CLIP1: variants seen among roughly 807,000 people sequenced by gnomAD.
CLIP1 encodes the protein CAP-Gly domain-containing linker protein 1.
Under a neutral mutation model 161.6 loss-of-function variants are expected in CLIP1, and 66 were observed. The observed-to-expected ratio is 0.41, with a 90% CI of 0.33 to 0.50. The LOEUF is 0.50. Among genes scored for constraint, CLIP1 ranks in the 20% least tolerant of loss-of-function variants. CLIP1 has a pLI of 0.27. For missense variants in CLIP1, 1,376 were observed against 1,702.0 expected, an observed-to-expected ratio of 0.81 and a Z score of 3.37; for synonymous variants, 598 against 626.2, an observed-to-expected ratio of 0.96 and a Z score of 0.67.
intron 5 of CLIP1, 97 bp downstream of exon 5, chr12:122,360,862 G>A (rs1593161118): frequency 3.0e-6 from 3 of 1,012,042 alleles, no homozygotes. Flanking sequence ...TTCAGCACAA[G>A]GACAAGCAAA....
In CLIP1 at chr12:122,355,667, G is replaced by T; in HGVS notation, c.1006-355C>A. On this transcript the variant is annotated intron_variant, in intron 5 of 25. Transcript: ENST00000620786. The surrounding 1 kb of genome is among the most constrained non-coding windows in gnomAD (Gnocchi z 4.1). ...TAAAAATACAAAAATTAGCTGGAGT[G>T]CAGTGGTGCGATCTCAGCTGACTGC... The T allele has an allele frequency of 4.5e-6, 1 of 220,640 alleles. No individual in the cohort carries two copies. Among genetic ancestry groups the T allele is most frequent in the Non-Finnish European group, 9.0e-6 (1 of 110,856 alleles). The allele number at this position is 220,640 out of a possible 1,614,324, so 13.7% of individuals were successfully genotyped here.
chr12:122,333,923 G>A (rs1952099580), intron 14 of CLIP1, 104 bp downstream of exon 14: 2 of 696,314 alleles, frequency 2.9e-6, no homozygotes, highest in African/African-American at 3.6e-5. Flanking sequence ...TGAGTGAAGA[G>A]GCTATGCCTG....
chr12:122,336,528 C>G lies in CLIP1; in HGVS notation c.2568+104G>C, dbSNP rs1952230814. ...CTAATACACTCAAGTTGAATCAACA[C>G]TTAGAAAGAGAAAGGAAACAGCTAC... On this transcript the variant is annotated intron_variant, in intron 12 of 25. Transcript: ENST00000620786. 4.5e-6 allele frequency: 3 copies of G among 673,390 alleles called. No individual in the cohort carries two copies. In the South Asian group the frequency reaches 5.5e-5, roughly 12 times the overall value. 41.7% of individuals were successfully genotyped at this position (673,390 alleles called of 1,614,324 possible). A position where few individuals can be genotyped will look rare whatever the true frequency, so the allele number is the denominator to read the frequency against.
chr12:122,381,724 T>C (rs1270146203), intron 1 of CLIP1, among the ~76,000 whole-genome samples: 3 of 152,200 alleles, frequency 2.0e-5, no homozygotes, highest in African/African-American at 7.2e-5. Context: ...CGCCAGCCAC[T>C]GGCAAAGAAT....
intron 15 of CLIP1, among the ~76,000 whole-genome samples, chr12:122,330,678 C>A (rs1410697022): frequency 2.0e-5 from 3 of 147,962 alleles, no homozygotes; most frequent in Non-Finnish European, 4.4e-5. Context: ...GAGCTCACGG[C>A]ACCCTCTGCC....
At chr12:122,359,704 G>A (rs1953682465) in intron 5 of CLIP1, among the ~76,000 whole-genome samples, 1 of 152,180 alleles carries the variant, frequency 6.6e-6, no homozygotes, top group African/African-American at 2.4e-5. Flanking sequence ...GCTGGCAGAG[G>A]AGCACAGCCC....
At chr12:122,371,986 T>C (rs546909266) in intron 3 of CLIP1, among the ~76,000 whole-genome samples, 1 of 150,988 alleles carries the variant, frequency 6.6e-6, no homozygotes, top group South Asian at 2.1e-4. Flanking sequence ...AACTGAAAAA[T>C]GAAAAAAAAA....
chr12:122,343,571 C>G (rs906053163), intron 10 of CLIP1: 3 of 152,204 alleles, frequency 2.0e-5, no homozygotes, highest in Admixed American at 6.5e-5. Flanking sequence ...CCCCTAACCC[C>G]CTAACCCAGT....
Position 122,364,072 on chromosome 12 carries a change from A to G in CLIP1, c.693T>C (p.Leu231=). 6.2e-7 allele frequency: 1 copy of G among 1,614,150 alleles called. No individual in the cohort carries two copies. The highest frequency in any genetic ancestry group is 8.5e-7 in the Non-Finnish European group (1 of 1,180,022). ...CCCCCTTGGCAAAGTCGGTCTCCCC[A>G]AGAAACCGGACTACACCAGCCTTAG... ...GGTKAGVVRF[L]GETDFAKGEW... The change falls in exon 4 of 26, where the codon CTT becomes CTC. Residue 231 remains leucine, a synonymous_variant. Coordinates refer to ENST00000620786, the MANE Select transcript of CLIP1 (RefSeq NM_001247997.2).
intron 10 of CLIP1, among the ~76,000 whole-genome samples, chr12:122,347,154 T>C (rs1386439083): frequency 6.6e-6 from 1 of 152,194 alleles, no homozygotes; most frequent in East Asian, 1.9e-4. Context: ...CCTGATTTGG[T>C]TGGGTTACCA....
chr12:122,354,341 G>A (rs758381125), intron 7 of CLIP1, 112 bp downstream of exon 7: 8 of 678,888 alleles, frequency 1.2e-5, no homozygotes, highest in South Asian at 5.0e-5. Context: ...GTTGTAGTGA[G>A]CTGAGATTGC....
chr12:122,380,564 AAG>A lies in CLIP1; in HGVS notation c.-106-8_-106-7del, dbSNP rs1454882969. Reference sequence around the variant, plus strand: ...AGTCAGTCTCTGGATTAAATCTGCAAAGAGAAAGAAATAAAAAGATTTTATAA... The same window carrying A: ...AGTCAGTCTCTGGATTAAATCTGCAAAGAAAGAAATAAAAAGATTTTATAA... On this transcript the variant is annotated splice_region_variant and splice_polypyrimidine_tract_variant and intron_variant, in intron 1 of 25. Coordinates refer to ENST00000620786, the MANE Select transcript of CLIP1 (RefSeq NM_001247997.2). 1 of 566,842 alleles carries A rather than the reference AAG, an allele frequency of 1.8e-6. No homozygotes were observed. Among genetic ancestry groups the A allele is most frequent in the Non-Finnish European group, 3.1e-6 (1 of 324,918 alleles). The allele number at this position is 566,842 out of a possible 1,614,324, so 35.1% of individuals were successfully genotyped here. A position where few individuals can be genotyped will look rare whatever the true frequency, so the allele number is the denominator to read the frequency against.
intron 1 of CLIP1, chr12:122,400,742 AT>A (rs1956113615): frequency 6.6e-6 from 1 of 152,298 alleles, no homozygotes; most frequent in Middle Eastern, 3.4e-3. Context: ...AAAAAGTTTG[AT>A]ACACAGTAAG....
At chr12:122,313,346 G>T (rs940894038) in intron 19 of CLIP1, among the ~76,000 whole-genome samples, 10 of 152,216 alleles carry the variant, frequency 6.6e-5, no homozygotes, top group Admixed American at 1.3e-4. Flanking sequence ...ACAGGCTGGG[G>T]TTAGCGTGAC....
At chr12:122,412,672 C>CG (rs1956586324) in intron 1 of CLIP1, among the ~76,000 whole-genome samples, 1 of 151,634 alleles carries the variant, frequency 6.6e-6, no homozygotes, top group African/African-American at 2.4e-5. Context: ...CAAAAAAAAA[C>CG]CAAAGTACAT....
intron 2 of CLIP1, among the ~76,000 whole-genome samples, 184 bp downstream of exon 2, chr12:122,380,184 A>G (rs1414709903): frequency 6.6e-6 from 1 of 151,922 alleles, no homozygotes; most frequent in Non-Finnish European, 1.5e-5. Flanking sequence ...CGGAGCCTGC[A>G]GTGAGCCAAG....
chr12:122,400,348 A>C (rs1329953903), intron 1 of CLIP1: 2 of 152,232 alleles, frequency 1.3e-5, no homozygotes, highest in Admixed American at 6.5e-5. Flanking sequence ...AACCAAAAAA[A>C]AAAAAATTAT....
At chr12:122,315,004 C>T (rs1016128229) in intron 19 of CLIP1, among the ~76,000 whole-genome samples, 6 of 152,100 alleles carry the variant, frequency 3.9e-5, no homozygotes, top group Non-Finnish European at 8.8e-5. Flanking sequence ...TCTAGAGACC[C>T]GCCATTTAAA....
intron 11 of CLIP1, among the ~76,000 whole-genome samples, chr12:122,337,632 T>C: frequency 6.6e-6 from 1 of 152,040 alleles, no homozygotes; most frequent in Admixed American, 6.5e-5. Context: ...CTATACTTCA[T>C]TGTAACTTGG....
Sources: gnomAD v4.1 joint callset for allele counts (sites outside exome capture counted in the v4.1 genomes callset) on GRCh38, gnomAD v4.1.1 for gene constraint, Gnocchi (gnomAD v3.1) non-coding constraint, MANE v1.5 for transcripts, NCBI Gene and HGNC (gene_info 2026-07-23, HGNC 2026-07-21) for gene names.